Variants in SLC7A14 observed in about 807,000 individuals in gnomAD.
SLC7A14 encodes gamma-aminobutyric acid transporter SLC7A14.
A neutral mutation model predicts 60.2 loss-of-function variants in SLC7A14; 37 were observed. The ratio of observed to expected loss-of-function variants is 0.61; its 90% CI spans 0.47 to 0.81. The LOEUF (loss-of-function observed/expected upper bound fraction) is 0.81, where lower values mean the gene tolerates loss of function less well. Among genes scored for constraint, SLC7A14 ranks in the 30% least tolerant of loss-of-function variants. The probability of loss-of-function intolerance (pLI) is 0.00; values close to 1 mark genes in which losing one functional copy is unlikely to be tolerated. For synonymous variants in SLC7A14, 399 were observed against 395.8 expected (o/e 1.01, Z -0.10); for missense variants, 886 against 982.7 (o/e 0.90, Z 1.32).
At chr3:170,503,523 C>G (rs1486780774) in intron 2 of SLC7A14, among the ~76,000 whole-genome samples, 3 of 152,118 alleles carry the variant, frequency 2.0e-5, no homozygotes, top group African/African-American at 7.2e-5. Context: ...AGTGAAGATG[C>G]AACTCACTTC....
chr3:170,512,470 G>T (rs1451191962), intron 2 of SLC7A14, among the ~76,000 whole-genome samples: 1 of 152,114 alleles, frequency 6.6e-6, no homozygotes, highest in Admixed American at 6.5e-5. Flanking sequence ...TAGGAGGCTT[G>T]CAGGAGAGAA....
At position 170,480,269 on chromosome 3, in the gene SLC7A14, C is replaced by T; in HGVS notation, c.1993+20G>A. The T allele has an allele frequency of 6.6e-7, 1 of 1,518,098 alleles. No individual in the cohort carries two copies. Among genetic ancestry groups the T allele is most frequent in the African/African-American group, 1.4e-5 (1 of 71,826 alleles). The allele number at this position is 1,518,098 out of a possible 1,614,324, so 94.0% of individuals were successfully genotyped here. A position where few individuals can be genotyped will look rare whatever the true frequency, so the allele number is the denominator to read the frequency against. On this transcript the variant is annotated intron_variant, in intron 7 of 7. Coordinates refer to ENST00000231706, the MANE Select transcript of SLC7A14 (RefSeq NM_020949.3). The stretch of plus-strand genomic sequence containing the variant: ...AGACCTTAAAAGGGAACTCTTAAGG[C>T]TCCAAAGGAAGTTGCTTACCCACAA...
chr3:170,572,875 T>C (rs1714992382), intron 1 of SLC7A14, among the ~76,000 whole-genome samples: 1 of 152,212 alleles, frequency 6.6e-6, no homozygotes, highest in African/African-American at 2.4e-5. Context: ...ACTGTCTGTG[T>C]AGTTTGTTCC....
intron 5 of SLC7A14, 45 bp downstream of exon 5, chr3:170,486,177 C>A: frequency 6.2e-7 from 1 of 1,607,682 alleles, no homozygotes; most frequent in Non-Finnish European, 8.5e-7. Flanking sequence ...AGCTCAGTGC[C>A]AGGGCCACAT....
At chr3:170,514,023 G>A (rs1713070712) in intron 2 of SLC7A14, among the ~76,000 whole-genome samples, 1 of 152,120 alleles carries the variant, frequency 6.6e-6, no homozygotes, top group African/African-American at 2.4e-5. Context: ...TCTGTGTGTA[G>A]TCATTTAACA....
At chr3:170,562,188 C>A (rs1372739938) in intron 1 of SLC7A14, among the ~76,000 whole-genome samples, 1 of 152,174 alleles carries the variant, frequency 6.6e-6, no homozygotes, top group African/African-American at 2.4e-5. Flanking sequence ...GATACTTGCA[C>A]ACACATATCT....
chr3:170,487,567 C>T (rs1712074351), intron 4 of SLC7A14, among the ~76,000 whole-genome samples: 1 of 152,152 alleles, frequency 6.6e-6, no homozygotes, highest in Non-Finnish European at 1.5e-5. Flanking sequence ...CCAAAATTGT[C>T]ACTCTTACTT....
intron 4 of SLC7A14, among the ~76,000 whole-genome samples, chr3:170,494,781 A>G (rs1310510814): frequency 6.6e-6 from 1 of 152,246 alleles, no homozygotes; most frequent in Admixed American, 6.5e-5. Context: ...CTATCTCTTA[A>G]TGTTCCTCCA....
Position 170,555,188 on chromosome 3 carries a change from TA to T in SLC7A14, c.-152-28101del, listed in dbSNP as rs1187211565. Among the ~76,000 whole-genome samples, 434 of 150,156 alleles carry T rather than the reference TA, an allele frequency of 2.9e-3. 3 individuals are homozygous for T. The highest frequency in any genetic ancestry group is 0.01 in the African/African-American group (416 of 40,814). On this transcript the variant is annotated intron_variant, in intron 1 of 7. Coordinates refer to ENST00000231706, the MANE Select transcript of SLC7A14 (RefSeq NM_020949.3). ...GTCTCAAAAAAAATATATATATATA[TA>T]ATATATATATTGCTTGTTTAGCTAA...
In SLC7A14 at chr3:170,464,934, A is replaced by C. The variant is rs917337435; in HGVS notation, c.*2121T>G. The C allele has an allele frequency of 1.3e-5, 2 of 152,248 alleles. No individual in the cohort carries two copies. Among genetic ancestry groups the C allele is most frequent in the South Asian group, 4.1e-4 (2 of 4,838 alleles). 9.4% of individuals were successfully genotyped at this position (152,248 alleles called of 1,614,324 possible). On this transcript the variant is annotated 3_prime_UTR_variant, in exon 8 of 8. Coordinates refer to ENST00000231706, the MANE Select transcript of SLC7A14 (RefSeq NM_020949.3). ...GTATCAAGCTTAACAGATTCTATTT[A>C]CACCAGGCAGATTTGTTGAGTCCTA...
intron 1 of SLC7A14, among the ~76,000 whole-genome samples, chr3:170,575,527 G>T (rs374907059): frequency 6.6e-6 from 1 of 152,178 alleles, no homozygotes; most frequent in Non-Finnish European, 1.5e-5. Flanking sequence ...AGGAACAATG[G>T]TATAGCTTCA....
Position 170,511,413 on chromosome 3 carries a change from A to G in SLC7A14, c.305-10068T>C, listed in dbSNP as rs867445055. On this transcript the variant is annotated intron_variant, in intron 2 of 7. Transcript: ENST00000231706. ...ACTCCGTCTTAAAAAAAAAAGAAAAAAAAGGACAAATAAAATTATTGCTCT... is the reference window on the plus strand; with the variant it reads ...ACTCCGTCTTAAAAAAAAAAGAAAAGAAAGGACAAATAAAATTATTGCTCT... Among the ~76,000 whole-genome samples the G allele has an allele frequency of 2.8e-4, 43 of 152,260 alleles. 1 individual carries two copies. In the Middle Eastern group the frequency reaches 0.01, roughly 36 times the overall value.
At chr3:170,495,230 T>C (rs1349687032) in intron 4 of SLC7A14, among the ~76,000 whole-genome samples, 1 of 152,220 alleles carries the variant, frequency 6.6e-6, no homozygotes, top group East Asian at 1.9e-4. Flanking sequence ...TGCCACATAA[T>C]AGATAAGAAA....
chr3:170,526,496 G>T, intron 2 of SLC7A14, 137 bp downstream of exon 2: 3 of 1,070,548 alleles, frequency 2.8e-6, no homozygotes, highest in Non-Finnish European at 4.0e-6. Context: ...TGGCAGTCAA[G>T]GCAAAAAAGA....
At chr3:170,504,237 GT>G (rs1394273464) in intron 2 of SLC7A14, among the ~76,000 whole-genome samples, 1 of 152,088 alleles carries the variant, frequency 6.6e-6, no homozygotes, top group African/African-American at 2.4e-5. Flanking sequence ...TATCTGGTAT[GT>G]AAGAGGAACA....
At chr3:170,497,179 A>C (rs1299518463) in intron 4 of SLC7A14, among the ~76,000 whole-genome samples, 1 of 151,996 alleles carries the variant, frequency 6.6e-6, no homozygotes, top group Admixed American at 6.6e-5. Context: ...CAGTCTTGTA[A>C]TTTGTTGTTT....
chr3:170,500,869 A>T (rs914662764), intron 3 of SLC7A14, among the ~76,000 whole-genome samples: 1 of 152,192 alleles, frequency 6.6e-6, no homozygotes, highest in South Asian at 2.1e-4. Flanking sequence ...GCTGTCTCTA[A>T]CTTTTTGTTA....
chr3:170,500,371 G>A (rs1251509813), intron 3 of SLC7A14, among the ~76,000 whole-genome samples: 1 of 150,800 alleles, frequency 6.6e-6, no homozygotes, highest in Admixed American at 6.6e-5. Flanking sequence ...CCAGGGAGGT[G>A]GAGGTTGCAG....
At chr3:170,513,635 T>A (rs530662312) in intron 2 of SLC7A14, among the ~76,000 whole-genome samples, 1 of 152,372 alleles carries the variant, frequency 6.6e-6, no homozygotes, top group South Asian at 2.1e-4. Context: ...CTATGTTGCA[T>A]GTTAGCAAAT....
Sources: allele counts gnomAD v4.1 joint callset (sites outside exome capture counted in the v4.1 genomes callset), GRCh38; gene constraint gnomAD v4.1.1; transcripts MANE v1.5; gene names NCBI Gene and HGNC (gene_info 2026-07-23, HGNC 2026-07-21).